Variants in DAB1 observed in about 807,000 individuals in gnomAD.
DAB1 encodes the protein DAB adaptor protein 1.
A neutral mutation model predicts 64.6 loss-of-function variants in DAB1; 15 were observed. The observed-to-expected ratio is 0.23, with a 90% CI of 0.16 to 0.36. The LOEUF is 0.36. Ranked by LOEUF, DAB1 falls within the 10% of genes least tolerant of loss-of-function variation. The pLI is 1.00. For missense variants in DAB1, 596 were observed against 706.7 expected, an observed-to-expected ratio of 0.84 and a Z score of 1.78; for synonymous variants, 235 against 251.9, an observed-to-expected ratio of 0.93 and a Z score of 0.64.
At chr1:57,691,455 A>G (rs1403187561) in intron 6 of DAB1, among the ~76,000 whole-genome samples, 1 of 152,146 alleles carries the variant, frequency 6.6e-6, no homozygotes, top group East Asian at 1.9e-4. Flanking sequence ...CCGAGACAGC[A>G]GCGGCAACCT....
intron 7 of DAB1, among the ~76,000 whole-genome samples, chr1:57,439,418 G>GTTTTTTTTTTTTTTTTTTTTTTGTTTT: frequency 7.7e-5 from 9 of 116,156 alleles, no homozygotes; most frequent in South Asian, 3.2e-4. Context: ...TGGTGATGAG[G>GTTTTTTTTTTTTTTTTTTTTTTGTTTT]TTTTTTCTTT....
intron 2 of DAB1, among the ~76,000 whole-genome samples, chr1:57,198,064 A>G (rs138880476): frequency 2.6e-5 from 4 of 152,236 alleles, no homozygotes; most frequent in Non-Finnish European, 1.5e-5. Context: ...ACTACAATAT[A>G]TGAAAATATG....
chr1:57,632,755 A>G (rs1159464155), intron 7 of DAB1, among the ~76,000 whole-genome samples: 2 of 152,226 alleles, frequency 1.3e-5, no homozygotes, highest in Non-Finnish European at 1.5e-5. Flanking sequence ...GTTATTTAGA[A>G]TGGAGTAAAA....
At chr1:58,253,496 GTTA>G (rs1660852614) in intron 4 of DAB1, among the ~76,000 whole-genome samples, 1 of 152,216 alleles carries the variant, frequency 6.6e-6, no homozygotes, top group South Asian at 2.1e-4. Context: ...TGCACGGTCA[GTTA>G]TTGTGAGTCT....
chr1:57,162,432 A>G (rs1660839056), intron 2 of DAB1, among the ~76,000 whole-genome samples: 1 of 152,266 alleles, frequency 6.6e-6, no homozygotes, highest in Non-Finnish European at 1.5e-5. Flanking sequence ...GGCAGTGCAG[A>G]ACCCCTAACT....
chr1:57,116,960 C>T (rs1483829596), intron 4 of DAB1, among the ~76,000 whole-genome samples: 3 of 152,140 alleles, frequency 2.0e-5, no homozygotes, highest in African/African-American at 4.8e-5. Context: ...GTTACTTCAT[C>T]CCGGCACTCT....
At chr1:58,408,656 G>GA (rs751615955) in intron 3 of DAB1, among the ~76,000 whole-genome samples, 162 of 152,216 alleles carry the variant, frequency 1.1e-3, no homozygotes, top group Non-Finnish European at 2.0e-3. Context: ...GGAAAAAAGA[G>GA]AAAAAAATAC....
At chr1:57,818,967 A>G (rs1651994368) in intron 6 of DAB1, among the ~76,000 whole-genome samples, 1 of 152,190 alleles carries the variant, frequency 6.6e-6, no homozygotes, top group Admixed American at 6.5e-5. Flanking sequence ...GAACTAACAG[A>G]AAGATAGCAA....
In DAB1 at chr1:57,145,549, G is replaced by A; in HGVS notation, c.68-120C>T. The stretch of plus-strand genomic sequence containing the variant: ...TACATTCCCGGAAAGTCAAATCACT[G>A]GACTCAGGAGAAAAGAATAGCAGTA... On this transcript the variant is annotated intron_variant, in intron 2 of 14. Coordinates refer to ENST00000371236, the MANE Select transcript of DAB1 (RefSeq NM_001365792.1). 6.1e-6 allele frequency: 6 copies of A among 990,630 alleles called. No homozygotes were observed. In the South Asian group the frequency reaches 8.6e-5, roughly 14 times the overall value. 61.4% of individuals were successfully genotyped at this position (990,630 alleles called of 1,614,324 possible).
chr1:57,330,788 G>A (rs146333407), intron 1 of DAB1, among the ~76,000 whole-genome samples: 1 of 151,750 alleles, frequency 6.6e-6, no homozygotes, highest in African/African-American at 2.4e-5. Flanking sequence ...CCACACTATG[G>A]TCCAGACTGT....
chr1:58,395,304 T>C (rs1208138434), intron 3 of DAB1, among the ~76,000 whole-genome samples: 2 of 152,222 alleles, frequency 1.3e-5, no homozygotes, highest in African/African-American at 4.8e-5. Context: ...TGAGAAATTG[T>C]AGAACTCTAA....
intron 5 of DAB1, among the ~76,000 whole-genome samples, chr1:58,075,928 T>C (rs1207983727): frequency 6.7e-6 from 1 of 149,766 alleles, no homozygotes; most frequent in Non-Finnish European, 1.5e-5. Flanking sequence ...TTACAAGTCT[T>C]TCTCTCTCTC....
intron 1 of DAB1, among the ~76,000 whole-genome samples, chr1:57,856,336 G>A (rs1653755452): frequency 6.6e-6 from 1 of 152,174 alleles, no homozygotes; most frequent in Non-Finnish European, 1.5e-5. Context: ...TGCAATCCCT[G>A]TATAGATCTG....
intron 1 of DAB1, among the ~76,000 whole-genome samples, chr1:57,313,218 G>A (rs937388206): frequency 1.3e-5 from 2 of 152,226 alleles, no homozygotes; most frequent in African/African-American, 4.8e-5. Flanking sequence ...AAATAGCACA[G>A]GTTTGAGTCT....
intron 5 of DAB1, among the ~76,000 whole-genome samples, chr1:58,124,710 C>A (rs1395000090): frequency 6.6e-6 from 1 of 152,166 alleles, no homozygotes; most frequent in African/African-American, 2.4e-5. Flanking sequence ...TCAGTGAGAG[C>A]TGTCACCTGT....
At chr1:57,169,056 A>G (rs932270664) in intron 2 of DAB1, among the ~76,000 whole-genome samples, 1 of 152,222 alleles carries the variant, frequency 6.6e-6, no homozygotes, top group African/African-American at 2.4e-5. Flanking sequence ...ACCCTGCCTC[A>G]AATAAATAAA....
intron 7 of DAB1, among the ~76,000 whole-genome samples, chr1:57,481,860 T>C (rs1436577216): frequency 1.3e-5 from 2 of 151,888 alleles, no homozygotes; most frequent in African/African-American, 4.8e-5. Flanking sequence ...TCAATAAGCT[T>C]GTTAAAATAT....
chr1:57,175,440 T>A (rs1056353467), intron 2 of DAB1, among the ~76,000 whole-genome samples: 1 of 152,050 alleles, frequency 6.6e-6, no homozygotes, highest in African/African-American at 2.4e-5. Flanking sequence ...GGGGGAGCCT[T>A]CCTGCAAAGT....
chr1:58,115,075 C>T lies in DAB1; in HGVS notation n.387+35436G>A, dbSNP rs528560908. Among the ~76,000 whole-genome samples, 10 of 144,988 alleles carry T rather than the reference C, an allele frequency of 6.9e-5. No homozygotes were observed. In the South Asian group the frequency reaches 7.0e-4, roughly 10 times the overall value. On this transcript the variant is annotated intron_variant and non_coding_transcript_variant, in intron 5 of 20. Transcript: ENST00000485760. ...AACCTACAACATGGGAGAAAATTTTCGCAACCTACTCATCTGACAAAGGGC... is the reference window on the plus strand; with the variant it reads ...AACCTACAACATGGGAGAAAATTTTTGCAACCTACTCATCTGACAAAGGGC...
Sources: gnomAD v4.1 joint callset for allele counts (sites outside exome capture counted in the v4.1 genomes callset) on GRCh38, gnomAD v4.1.1 for gene constraint, MANE v1.5 for transcripts, NCBI Gene and HGNC (gene_info 2026-07-23, HGNC 2026-07-21) for gene names.